RTKN2: variants seen among roughly 807,000 people sequenced by gnomAD.
RTKN2 encodes the protein rhotekin-2.
Under a neutral mutation model 71.5 loss-of-function variants are expected in RTKN2, and 69 were observed. That is an observed-to-expected ratio of 0.96 (90% CI 0.79 to 1.18). The LOEUF (loss-of-function observed/expected upper bound fraction) is 1.18. Among genes scored for constraint, RTKN2 ranks in the 50% most tolerant of loss-of-function variants. The pLI is 0.00. For missense variants in RTKN2, 724 were observed against 719.7 expected, an observed-to-expected ratio of 1.01 and a Z score of -0.07; for synonymous variants, 236 against 236.5, an observed-to-expected ratio of 1.00 and a Z score of 0.02.
intron 9 of RTKN2, among the ~76,000 whole-genome samples, chr10:62,214,352 C>T (rs1327854484): frequency 6.6e-6 from 1 of 152,018 alleles, no homozygotes; most frequent in African/African-American, 2.4e-5. Context: ...AAGTATAAGG[C>T]TAAATCTATA....
chr10:62,246,113 T>C, intron 2 of RTKN2, 56 bp from the exon 3 acceptor site: 6 of 1,114,946 alleles, frequency 5.4e-6, no homozygotes, highest in Non-Finnish European at 6.6e-6. Context: ...GCAATTATTT[T>C]AACAGTGTTT....
At chr10:62,186,593 G>A (rs1345911308) in intron 8 of RTKN2, among the ~76,000 whole-genome samples, 2 of 152,120 alleles carry the variant, frequency 1.3e-5, no homozygotes, top group African/African-American at 2.4e-5. Context: ...GAGGCCAAGT[G>A]CTCCTCAACC....
rs1841288994 is a variant in RTKN2, at chr10:62,194,761, A to G, written c.*3147T>C. ...AAAGAAATACTTGACTGCTTAACCT[A>G]CCTTACGTGAGGTATCTCTAATTCA... On this transcript the variant is annotated 3_prime_UTR_variant, in exon 12 of 12. Transcript: ENST00000373789. The G allele has an allele frequency of 2.0e-6, 2 of 985,220 alleles. No individual in the cohort carries two copies. The highest frequency in any genetic ancestry group is 9.4e-5 in the South Asian group (2 of 21,290). 61.0% of individuals were successfully genotyped at this position (985,220 alleles called of 1,614,324 possible).
chr10:62,243,562 T>C (rs960589933), intron 3 of RTKN2, among the ~76,000 whole-genome samples: 4 of 152,040 alleles, frequency 2.6e-5, no homozygotes, highest in Non-Finnish European at 5.9e-5. Context: ...CCTTCTTCTA[T>C]CCCATGCCGA....
intron 6 of RTKN2, among the ~76,000 whole-genome samples, chr10:62,228,050 T>A (rs1842066971): frequency 1.3e-5 from 2 of 152,180 alleles, no homozygotes; most frequent in South Asian, 4.1e-4. Flanking sequence ...GGTGCATTAT[T>A]TGAGATTGTT....
rs928781824 is a variant in RTKN2 at position 62,196,783 on chromosome 10, T to C, written c.*1125A>G. ...AATTAGATTTTTAAAACTGTTCTGC[T>C]CTTGTTTACAAAAAGCATTATTATA... On this transcript the variant is annotated 3_prime_UTR_variant, in exon 12 of 12. Coordinates refer to ENST00000373789, the MANE Select transcript of RTKN2 (RefSeq NM_145307.4). 86 of 977,594 alleles carry C rather than the reference T, an allele frequency of 8.8e-5. No individual in the cohort carries two copies. The highest frequency in any genetic ancestry group is 9.7e-5 in the Non-Finnish European group (80 of 822,930). 60.6% of individuals were successfully genotyped at this position (977,594 alleles called of 1,614,324 possible).
chr10:62,208,408 G>C (rs1841590753), intron 9 of RTKN2, among the ~76,000 whole-genome samples: 1 of 152,072 alleles, frequency 6.6e-6, no homozygotes, highest in Non-Finnish European at 1.5e-5. Context: ...GGAACATCTT[G>C]TCCTATCAGA....
chr10:62,192,677 T>C (rs1475187453), downstream of RTKN2, among the ~76,000 whole-genome samples: 1 of 152,146 alleles, frequency 6.6e-6, no homozygotes, highest in Non-Finnish European at 1.5e-5. Flanking sequence ...GTTGCTGACT[T>C]TGAAGACCGA....
chr10:62,234,979 C>T (rs1244116903), intron 6 of RTKN2, among the ~76,000 whole-genome samples: 1 of 151,864 alleles, frequency 6.6e-6, no homozygotes, highest in Non-Finnish European at 1.5e-5. Flanking sequence ...AGAACTGAAT[C>T]TAATCAGTCC....
intron 11 of RTKN2, 126 bp from the exon 12 acceptor site, chr10:62,198,569 C>T (rs538435603): frequency 5.6e-5 from 38 of 683,052 alleles, no homozygotes; most frequent in South Asian, 3.6e-4. Flanking sequence ...ATAAGGAAAA[C>T]GTTCACTTGT....
In RTKN2 at chr10:62,193,295, T is replaced by C; in HGVS notation, c.*4613A>G. 8.2e-6 allele frequency: 8 copies of C among 975,808 alleles called. No individual in the cohort carries two copies. Among genetic ancestry groups the C allele is most frequent in the Non-Finnish European group, 9.7e-6 (8 of 821,164 alleles). The allele number at this position is 975,808 out of a possible 1,614,324, so 60.4% of individuals were successfully genotyped here. A position where few individuals can be genotyped will look rare whatever the true frequency, so the allele number is the denominator to read the frequency against. ...TCTACCTCTCCTTTAGTAGTTACATTAAGAGATTACCATGTCTCAAGAGCA... is the reference window on the plus strand; with the variant it reads ...TCTACCTCTCCTTTAGTAGTTACATCAAGAGATTACCATGTCTCAAGAGCA... On this transcript the variant is annotated 3_prime_UTR_variant, in exon 12 of 12. Transcript: ENST00000373789.
chr10:62,191,726 G>A (rs1378469418), downstream of RTKN2, among the ~76,000 whole-genome samples: 1 of 152,084 alleles, frequency 6.6e-6, no homozygotes, highest in Admixed American at 6.6e-5. Context: ...TAATTTATAA[G>A]CCCCAATAGT....
intron 9 of RTKN2, 120 bp from the exon 10 acceptor site, chr10:62,205,142 C>A (rs1158737059): frequency 2.7e-6 from 2 of 742,536 alleles, no homozygotes; most frequent in South Asian, 2.1e-5. Flanking sequence ...TATTGCTGAT[C>A]ATTTGAAATT....
rs1276362988 is a variant in RTKN2, at chr10:62,228,526, GAATATAAAA to G, written c.687-5203_687-5195del. Among the ~76,000 whole-genome samples, 3 of 152,000 alleles carry G rather than the reference GAATATAAAA, an allele frequency of 2.0e-5. No homozygotes were observed. In the East Asian group the frequency reaches 5.8e-4, roughly 29 times the overall value. Reference sequence around the variant, plus strand: ...GAATGGCAGAAGAGGAAGTAGATAGGAATATAAAAAATTATTTTCCATGAAGGATAGTTA... The same window carrying G: ...GAATGGCAGAAGAGGAAGTAGATAGGAATTATTTTCCATGAAGGATAGTTA... On this transcript the variant is annotated intron_variant, in intron 6 of 11. Coordinates refer to ENST00000373789, the MANE Select transcript of RTKN2 (RefSeq NM_145307.4).
At chr10:62,192,299 C>T (rs1245489026), downstream of RTKN2, among the ~76,000 whole-genome samples, 3 of 152,148 alleles carry the variant, frequency 2.0e-5, no homozygotes, top group Non-Finnish European at 4.4e-5. Flanking sequence ...GTATCTTACA[C>T]ATATTACCCA....
intron 8 of RTKN2, among the ~76,000 whole-genome samples, chr10:62,185,692 C>A (rs974972444): frequency 6.6e-6 from 1 of 152,106 alleles, no homozygotes; most frequent in East Asian, 1.9e-4. Flanking sequence ...GGAAAAAATT[C>A]TTGGTTTGGT....
intron 7 of RTKN2, 146 bp downstream of exon 7, chr10:62,223,092 G>T: frequency 2.1e-6 from 1 of 487,184 alleles, no homozygotes; most frequent in Non-Finnish European, 3.7e-6. Flanking sequence ...TTTCTCCTTT[G>T]GGGAAGAGGG....
downstream of RTKN2, among the ~76,000 whole-genome samples, chr10:62,188,127 A>G (rs75127309): frequency 0.075 from 11,413 of 152,238 alleles, 463 homozygotes; most frequent in Middle Eastern, 0.11. Flanking sequence ...TCATTTTCCT[A>G]TTATCAGTTA....
rs537981291 is a variant in RTKN2 at position 62,219,071 on chromosome 10, C to T, written c.782-770G>A. On this transcript the variant is annotated intron_variant, in intron 7 of 11. Coordinates refer to ENST00000373789, the MANE Select transcript of RTKN2 (RefSeq NM_145307.4). ...AACATTTTTGGCCCTTCCTCCTCCC[C>T]TTCTTTTGCTGAACAATTCAGTCAT... 1.8e-3 allele frequency among the ~76,000 whole-genome samples: 267 copies of T among 152,270 alleles called. 1 individual carries two copies. The highest frequency in any genetic ancestry group is 6.0e-3 in the African/African-American group (250 of 41,560).
Sources: allele counts gnomAD v4.1 joint callset (sites outside exome capture counted in the v4.1 genomes callset), GRCh38; gene constraint gnomAD v4.1.1; transcripts MANE v1.5; gene names NCBI Gene and HGNC (gene_info 2026-07-23, HGNC 2026-07-21).